MAPK4: variants seen among roughly 807,000 people sequenced by gnomAD.
MAPK4 encodes the protein Erk3-related.
In MAPK4, 22 loss-of-function variants were observed where a neutral mutation model predicts 47.7. That is an observed-to-expected ratio of 0.46 (90% CI 0.33 to 0.66). MAPK4 has a LOEUF of 0.66. Among genes scored for constraint, MAPK4 ranks in the 30% least tolerant of loss-of-function variants. MAPK4 has a pLI of 0.02. For synonymous variants in MAPK4, 390 were observed against 365.7 expected (o/e 1.07, Z -0.76); for missense variants, 736 against 831.7 (o/e 0.88, Z 1.42).
At chr18:50,605,662 G>T (rs1279007920) in intron 1 of MAPK4, among the ~76,000 whole-genome samples, 3 of 152,362 alleles carry the variant, frequency 2.0e-5, no homozygotes, top group African/African-American at 7.2e-5. Context: ...CAGAGGGGCA[G>T]TTGAGCTGTC....
intron 1 of MAPK4, among the ~76,000 whole-genome samples, chr18:50,627,530 G>A (rs2144143978): frequency 6.6e-6 from 1 of 152,308 alleles, no homozygotes. Flanking sequence ...TGACTTGAAA[G>A]CAGAGCTGAA....
At chr18:50,693,663 G>A (rs1013165057) in intron 2 of MAPK4, among the ~76,000 whole-genome samples, 3 of 152,164 alleles carry the variant, frequency 2.0e-5, no homozygotes, top group African/African-American at 4.8e-5. Context: ...GTAGCCTCTG[G>A]GTGGAGTGGT....
intron 1 of MAPK4, among the ~76,000 whole-genome samples, chr18:50,632,690 G>T (rs1023484355): frequency 6.7e-6 from 1 of 148,798 alleles, no homozygotes; most frequent in African/African-American, 2.5e-5. Flanking sequence ...TGCAATCTCG[G>T]CTCATTGCAA....
At chr18:50,666,349 C>G (rs997160040) in intron 2 of MAPK4, among the ~76,000 whole-genome samples, 4 of 152,218 alleles carry the variant, frequency 2.6e-5, no homozygotes, top group African/African-American at 9.6e-5. Context: ...AGTTTCCCCT[C>G]TTTGACAGGG....
chr18:50,628,076 C>T (rs920798367), intron 1 of MAPK4, among the ~76,000 whole-genome samples: 9 of 152,152 alleles, frequency 5.9e-5, no homozygotes, highest in African/African-American at 9.7e-5. Flanking sequence ...GTAGGGTTCC[C>T]GGGCAGTAGG....
At chr18:50,568,968 G>A (rs1227480652) in intron 1 of MAPK4, among the ~76,000 whole-genome samples, 3 of 152,126 alleles carry the variant, frequency 2.0e-5, no homozygotes, top group African/African-American at 7.2e-5. Context: ...TTTATGTTGA[G>A]CTTTTAGCTG....
At chr18:50,617,039 C>T (rs2042690767) in intron 1 of MAPK4, among the ~76,000 whole-genome samples, 1 of 152,226 alleles carries the variant, frequency 6.6e-6, no homozygotes, top group Admixed American at 6.5e-5. Context: ...ATTACCACCA[C>T]CATCAACTTT....
At chr18:50,566,077 T>C (rs2042195840) in intron 1 of MAPK4, among the ~76,000 whole-genome samples, 1 of 152,208 alleles carries the variant, frequency 6.6e-6, no homozygotes, top group Non-Finnish European at 1.5e-5. Flanking sequence ...AGTGTAGAAA[T>C]GTTAAATATA....
Position 50,729,293 on chromosome 18 carries a change from G to C in MAPK4, c.1203G>C (p.Ser401=), listed in dbSNP as rs373760952. 1 of 1,608,462 alleles carries C rather than the reference G, an allele frequency of 6.2e-7. No homozygotes were observed. Among genetic ancestry groups the C allele is most frequent in the Non-Finnish European group, 8.5e-7 (1 of 1,177,532 alleles). Residue 401 remains serine, a synonymous_variant, in exon 6 of 6, where the codon TCG becomes TCC. Coordinates refer to ENST00000400384, the MANE Select transcript of MAPK4 (RefSeq NM_002747.4). The part of the protein sequence containing the change: ...EDVQVDPRKD[S]HSSSERFLEQ... ...TGCAGGTGGACCCGCGCAAGGACTC[G>C]CACAGCAGCTCCGAGCGCTTCCTAG...
intron 1 of MAPK4, among the ~76,000 whole-genome samples, chr18:50,591,847 G>A (rs1026645175): frequency 1.3e-5 from 2 of 152,012 alleles, no homozygotes; most frequent in African/African-American, 2.4e-5. Context: ...ATTTCAAGGG[G>A]CTTCTCTACC....
At chr18:50,681,159 A>C (rs1479404413) in intron 2 of MAPK4, among the ~76,000 whole-genome samples, 4 of 152,046 alleles carry the variant, frequency 2.6e-5, no homozygotes, top group Non-Finnish European at 5.9e-5. Flanking sequence ...CAGATGGCTG[A>C]TGACGTTGAA....
chr18:50,718,976 T>A (rs1035486568), intron 3 of MAPK4, among the ~76,000 whole-genome samples: 6 of 147,410 alleles, frequency 4.1e-5, no homozygotes, highest in African/African-American at 1.5e-4. Context: ...CCCAGCTACT[T>A]GGGAGGCTAA....
intron 1 of MAPK4, among the ~76,000 whole-genome samples, chr18:50,564,295 T>C (rs574932232): frequency 7.9e-5 from 12 of 152,342 alleles, no homozygotes; most frequent in African/African-American, 2.9e-4. Flanking sequence ...CTGGGCACTA[T>C]TGATGTTATG....
intron 2 of MAPK4, among the ~76,000 whole-genome samples, chr18:50,670,686 G>C (rs908488391): frequency 6.6e-6 from 1 of 151,692 alleles, no homozygotes; most frequent in Non-Finnish European, 1.5e-5. Flanking sequence ...GAACTTGGGA[G>C]GTGGAGGTTG....
intron 1 of MAPK4, among the ~76,000 whole-genome samples, chr18:50,575,707 G>A (rs1215353354): frequency 1.3e-5 from 2 of 149,120 alleles, no homozygotes; most frequent in Non-Finnish European, 3.0e-5. Flanking sequence ...TCTACAAAAT[G>A]GAGAAAATAT....
chr18:50,582,533 CA>C (rs1412168778), intron 1 of MAPK4, among the ~76,000 whole-genome samples: 2 of 152,248 alleles, frequency 1.3e-5, no homozygotes, highest in African/African-American at 4.8e-5. Context: ...TGCAGAGCAG[CA>C]TCAGTAGCCG....
chr18:50,722,672 G>C (rs1348691622), intron 4 of MAPK4, among the ~76,000 whole-genome samples: 1 of 152,222 alleles, frequency 6.6e-6, no homozygotes, highest in Non-Finnish European at 1.5e-5. Flanking sequence ...GACAGGTGCA[G>C]AACAAGGGAG....
intron 3 of MAPK4, among the ~76,000 whole-genome samples, chr18:50,717,317 G>T (rs1910692335): frequency 1.3e-5 from 2 of 152,182 alleles, no homozygotes; most frequent in Admixed American, 1.3e-4. Context: ...AAAGCTGGAA[G>T]GCCTGAGAAG....
intron 1 of MAPK4, among the ~76,000 whole-genome samples, chr18:50,654,826 G>C (rs747324333): frequency 2.6e-5 from 4 of 152,222 alleles, no homozygotes; most frequent in Non-Finnish European, 5.9e-5. Context: ...GAGTTCCGAC[G>C]AGGCAGCCGG....
Sources: allele counts gnomAD v4.1 joint callset (sites outside exome capture counted in the v4.1 genomes callset), GRCh38; gene constraint gnomAD v4.1.1; transcripts MANE v1.5; gene names NCBI Gene and HGNC (gene_info 2026-07-23, HGNC 2026-07-21).